The following STON2 variants were observed in gnomAD, a reference collection of about 807,000 sequenced individuals.
STON2 encodes stonin-2.
In STON2, 29 loss-of-function variants were observed where a neutral mutation model predicts 65.7. The observed-to-expected ratio is 0.44, with a 90% CI of 0.33 to 0.60. The LOEUF (loss-of-function observed/expected upper bound fraction) is 0.60. STON2 is among the 20% of genes least tolerant of loss of function. STON2 has a pLI of 0.03. For missense variants in STON2, 1,054 were observed against 1,118.1 expected (o/e 0.94, Z 0.82); for synonymous variants, 404 against 414.2 (o/e 0.98, Z 0.30).
In STON2 at chr14:81,380,850, T is replaced by C. The variant is rs527593673; in HGVS notation, c.374-9665A>G. On this transcript the variant is annotated intron_variant, in intron 3 of 7. Transcript: ENST00000614646. Reference sequence around the variant, plus strand: ...GTGGAGGGTGGGAGGAGAGTGAGGATTGAAAAACTACCTATTGGGTATTAT... The same window carrying C: ...GTGGAGGGTGGGAGGAGAGTGAGGACTGAAAAACTACCTATTGGGTATTAT... 2.2e-4 allele frequency among the ~76,000 whole-genome samples: 34 copies of C among 152,164 alleles called. 2 individuals carry two copies. The highest frequency in any genetic ancestry group is 1.2e-3 in the Admixed American group (19 of 15,286).
chr14:81,358,431 G>A (rs1472411651), intron 4 of STON2, among the ~76,000 whole-genome samples: 2 of 152,060 alleles, frequency 1.3e-5, no homozygotes, highest in African/African-American at 4.8e-5. Context: ...AAGGATCAAA[G>A]CATACCACTA....
chr14:81,429,441 T>G (rs1902134876), intron 1 of STON2, among the ~76,000 whole-genome samples: 1 of 152,242 alleles, frequency 6.6e-6, no homozygotes, highest in South Asian at 2.1e-4. Flanking sequence ...TTTGACATCC[T>G]TAGCTCCAAA....
chr14:81,410,867 C>A (rs756636130), intron 2 of STON2, among the ~76,000 whole-genome samples: 1 of 152,156 alleles, frequency 6.6e-6, no homozygotes, highest in Non-Finnish European at 1.5e-5. Context: ...AAATAATTTC[C>A]CAATATGGAT....
chr14:81,267,301 C>T lies in STON2; in HGVS notation c.*1113G>A, dbSNP rs1363426481. The T allele has an allele frequency of 2.3e-5, 23 of 985,346 alleles. No homozygotes were observed. The highest frequency in any genetic ancestry group is 2.8e-5 in the Non-Finnish European group (23 of 829,898). 61.0% of individuals were successfully genotyped at this position (985,346 alleles called of 1,614,324 possible). ...CCAACATTAGAAAAATATGGCTTTT[C>T]CACGTCTCTACCCTAGAGATGCCTT... On this transcript the variant is annotated 3_prime_UTR_variant, in exon 8 of 8. Transcript: ENST00000614646.
rs753120282 is a variant in STON2 at position 81,260,843 on chromosome 14, GT to G, written c.*7570del. ...AAAATTAACCACAATAGTGCAAGAG[GT>G]TACACTGAATGAGAATGGATGATGA... On this transcript the variant is annotated 3_prime_UTR_variant, in exon 8 of 8. Coordinates refer to ENST00000614646, the MANE Select transcript of STON2 (RefSeq NM_001394390.1). 8.6e-5 allele frequency: 13 copies of G among 151,898 alleles called. No individual in the cohort carries two copies. The highest frequency in any genetic ancestry group is 1.5e-4 in the Non-Finnish European group (10 of 67,996). The allele number at this position is 151,898 out of a possible 1,614,324, so 9.4% of individuals were successfully genotyped here.
At chr14:81,303,283 A>C (rs1164352350) in intron 5 of STON2, among the ~76,000 whole-genome samples, 1 of 152,212 alleles carries the variant, frequency 6.6e-6, no homozygotes, top group African/African-American at 2.4e-5. Context: ...CTCTGCTTTT[A>C]GTCATTATTA....
At chr14:81,349,077 T>C (rs1897926173) in intron 4 of STON2, among the ~76,000 whole-genome samples, 1 of 152,062 alleles carries the variant, frequency 6.6e-6, no homozygotes, top group Non-Finnish European at 1.5e-5. Flanking sequence ...TCTATCCATA[T>C]ACAAAAATCA....
At chr14:81,411,250 A>G (rs1368110324) in intron 2 of STON2, among the ~76,000 whole-genome samples, 1 of 152,212 alleles carries the variant, frequency 6.6e-6, no homozygotes, top group African/African-American at 2.4e-5. Flanking sequence ...TTAACATTTT[A>G]GAATGTTTTG....
intron 1 of STON2, among the ~76,000 whole-genome samples, chr14:81,433,712 A>G (rs538292017): frequency 7.2e-5 from 11 of 152,320 alleles, no homozygotes; most frequent in Non-Finnish European, 1.6e-4. Flanking sequence ...GTCATAAATA[A>G]GATCCACATT....
At chr14:81,282,369 G>A (rs768439685) in intron 5 of STON2, among the ~76,000 whole-genome samples, 11 of 152,074 alleles carry the variant, frequency 7.2e-5, no homozygotes, top group East Asian at 1.9e-4. Flanking sequence ...CCATACCTAC[G>A]GCTTTTTAGA....
rs530016811 is a variant in STON2 at position 81,324,477 on chromosome 14, T to C, written c.572-290A>G. On this transcript the variant is annotated intron_variant, in intron 4 of 7. Coordinates refer to ENST00000614646, the MANE Select transcript of STON2 (RefSeq NM_001394390.1). Reference sequence around the variant, plus strand: ...GGCAGTGCTTTAGCACACATCCTTTTGCATTTCACTCTGAAATTTGTTTCC... The same window carrying C: ...GGCAGTGCTTTAGCACACATCCTTTCGCATTTCACTCTGAAATTTGTTTCC... Among the ~76,000 whole-genome samples, 7 of 152,392 alleles carry C rather than the reference T, an allele frequency of 4.6e-5. No homozygotes were observed. In the East Asian group the frequency reaches 1.3e-3, roughly 29 times the overall value.
At chr14:81,421,761 C>G (rs531536900) in intron 2 of STON2, among the ~76,000 whole-genome samples, 1 of 152,298 alleles carries the variant, frequency 6.6e-6, no homozygotes, top group South Asian at 2.1e-4. Context: ...ATGAGCTTAG[C>G]ATTAGGCCCA....
intron 5 of STON2, among the ~76,000 whole-genome samples, chr14:81,312,809 A>G (rs1035163398): frequency 2.0e-5 from 3 of 152,264 alleles, no homozygotes; most frequent in African/African-American, 7.2e-5. Flanking sequence ...TTTTGAAAGC[A>G]AAATATTTTA....
intron 5 of STON2, among the ~76,000 whole-genome samples, chr14:81,303,939 T>C (rs1174326826): frequency 1.3e-5 from 2 of 152,130 alleles, no homozygotes; most frequent in Non-Finnish European, 2.9e-5. Context: ...CAAGAAACAA[T>C]TGCCTTTGTG....
intron 3 of STON2, among the ~76,000 whole-genome samples, chr14:81,371,587 C>G (rs534051549): frequency 2.5e-4 from 37 of 146,500 alleles, no homozygotes; most frequent in Middle Eastern, 7.2e-3. Flanking sequence ...CCCAGCTACT[C>G]GGGAGGCTGA....
chr14:81,317,721 T>C (rs761795041), intron 5 of STON2, among the ~76,000 whole-genome samples: 3 of 152,154 alleles, frequency 2.0e-5, no homozygotes, highest in Non-Finnish European at 4.4e-5. Context: ...TCTTTTCACC[T>C]GAGAAAAACG....
intron 4 of STON2, among the ~76,000 whole-genome samples, chr14:81,331,695 T>C (rs1897222480): frequency 6.6e-6 from 1 of 152,234 alleles, no homozygotes. Context: ...GAGACCTATG[T>C]TGAAGCCGTT....
chr14:81,375,627 T>C (rs984422400), intron 3 of STON2, among the ~76,000 whole-genome samples: 2 of 151,982 alleles, frequency 1.3e-5, no homozygotes, highest in Non-Finnish European at 2.9e-5. Context: ...TATTGATATA[T>C]CAAGCAAGCA....
rs560060731 is a variant in STON2, at chr14:81,427,819, C to T, written c.-309-607G>A. Among the ~76,000 whole-genome samples, 21 of 152,262 alleles carry T rather than the reference C, an allele frequency of 1.4e-4. 2 individuals carry two copies. The South Asian group carries it at 4.4e-3, about 32-fold the overall frequency. ...GCAGTTTTCCTCCTACCAGGCATCT[C>T]CCAGGGTGTGGCCAGAGTGCACAGA... On this transcript the variant is annotated intron_variant, in intron 1 of 8. Coordinates refer to the STON2 transcript ENST00000553821.
Sources: gnomAD v4.1 joint callset for allele counts (sites outside exome capture counted in the v4.1 genomes callset) on GRCh38, gnomAD v4.1.1 for gene constraint, MANE v1.5 for transcripts, NCBI Gene and HGNC (gene_info 2026-07-23, HGNC 2026-07-21) for gene names.